Variants in HYDIN observed in about 807,000 individuals in gnomAD.
HYDIN encodes axonemal central pair apparatus protein HYDIN.
In HYDIN, 132 loss-of-function variants were observed where a neutral mutation model predicts 403.9. That is an observed-to-expected ratio of 0.33 (90% CI 0.28 to 0.38). The LOEUF is 0.38. HYDIN is among the 10% of genes least tolerant of loss of function. The pLI is 1.00. For missense variants in HYDIN, 2,827 were observed against 5,009.5 expected, an observed-to-expected ratio of 0.56 and a Z score of 13.15; for synonymous variants, 1,202 against 1,891.7, an observed-to-expected ratio of 0.64 and a Z score of 9.46.
chr16:71,065,437 A>C (rs1405667005), intron 15 of HYDIN, among the ~76,000 whole-genome samples: 1 of 151,918 alleles, frequency 6.6e-6, no homozygotes, highest in Non-Finnish European at 1.5e-5. Context: ...TGCAGAAAAG[A>C]GGGGAGTTGA....
At chr16:71,203,129 G>A (rs1268058079) in intron 1 of HYDIN, among the ~76,000 whole-genome samples, 2 of 152,188 alleles carry the variant, frequency 1.3e-5, no homozygotes, top group African/African-American at 4.8e-5. Context: ...TAAAAGCAGA[G>A]ATGTGAGCAG....
rs191922326 is a variant in HYDIN at position 71,201,693 on chromosome 16, G to C, written c.-23-14775C>G. ...CAGCCATTTTGCCCCTAGGAGGGGA[G>C]AGGCTGTCTGAGAACAAAGCCACAC... On this transcript the variant is annotated intron_variant, in intron 1 of 85. Transcript: ENST00000393567. Among the ~76,000 whole-genome samples, 537 of 152,348 alleles carry C rather than the reference G, an allele frequency of 3.5e-3. 2 individuals carry two copies. The highest frequency in any genetic ancestry group is 5.5e-3 in the Non-Finnish European group (372 of 68,028).
At chr16:71,203,793 A>T (rs1290830640) in intron 1 of HYDIN, 1 of 455,902 alleles carries the variant, frequency 2.2e-6, no homozygotes, top group Non-Finnish European at 4.4e-6. Context: ...AGTCCAGAAC[A>T]GATAACAGAA....
chr16:71,067,026 G>C (rs2082294663), intron 15 of HYDIN: 3 of 657,192 alleles, frequency 4.6e-6, no homozygotes, highest in South Asian at 1.7e-5. Context: ...AAACCCGTTA[G>C]AGAGGGTCTG....
rs1177687941 is a variant in HYDIN, at chr16:70,835,679, G to C, written c.13398C>G (p.Pro4466=). ...AGGAGCCCCTCTGAGCACCAACCTT[G>C]GGTTCCTGGAGTTCTGGAATTGTGA... is the stretch of plus-strand genomic sequence containing the variant. ...ILFTIPELQE[P]KVLTLAPFHN... Residue 4466 remains proline, a synonymous_variant, in exon 78 of 86, where the codon CCC becomes CCG. Coordinates refer to ENST00000393567, the MANE Select transcript of HYDIN (RefSeq NM_001270974.2). 3 of 670,038 alleles carry C rather than the reference G, an allele frequency of 4.5e-6. No individual in the cohort carries two copies. The East Asian group carries it at 8.1e-5, about 18-fold the overall frequency. 41.5% of individuals were successfully genotyped at this position (670,038 alleles called of 1,614,324 possible).
chr16:71,044,829 TAACC>T (rs113144596), intron 18 of HYDIN, among the ~76,000 whole-genome samples: 1 of 143,236 alleles, frequency 7.0e-6, no homozygotes, highest in African/African-American at 2.5e-5. Flanking sequence ...ATTTTAAGAC[TAACC>T]ATTGGATATT....
intron 32 of HYDIN, 83 bp downstream of exon 32, chr16:70,974,451 G>T: frequency 7.2e-7 from 1 of 1,390,318 alleles, no homozygotes; most frequent in Non-Finnish European, 9.7e-7. Context: ...AGGCACAAAA[G>T]CTGCTCCAGG....
intron 18 of HYDIN, among the ~76,000 whole-genome samples, chr16:71,048,631 G>A (rs2081529344): frequency 6.6e-6 from 1 of 151,462 alleles, no homozygotes; most frequent in Non-Finnish European, 1.5e-5. Flanking sequence ...TGTAGGAACA[G>A]AAAACCAAAT....
intron 23 of HYDIN, among the ~76,000 whole-genome samples, chr16:71,008,326 G>T (rs2079957702): frequency 6.6e-6 from 1 of 152,166 alleles, no homozygotes. Flanking sequence ...AATGGGGTCT[G>T]GGATCTGCTG....
chr16:70,829,576 C>A (rs2036826417), intron 81 of HYDIN, 42 bp downstream of exon 81: 2 of 1,533,748 alleles, frequency 1.3e-6, no homozygotes, highest in East Asian at 4.5e-5. Flanking sequence ...CCACCTTCAA[C>A]TATGCCAGGA....
intron 40 of HYDIN, among the ~76,000 whole-genome samples, chr16:70,954,376 T>C (rs2078162298): frequency 7.7e-6 from 1 of 130,548 alleles, no homozygotes; most frequent in Non-Finnish European, 1.6e-5. Context: ...GGAGGATCGC[T>C]TGAGCCCAGG....
At chr16:70,904,658 A>C (rs1341978310) in intron 50 of HYDIN, among the ~76,000 whole-genome samples, 2 of 142,340 alleles carry the variant, frequency 1.4e-5, no homozygotes, top group Non-Finnish European at 3.1e-5. Context: ...ATGCCACCAC[A>C]CCTGGCTAAT....
intron 10 of HYDIN, among the ~76,000 whole-genome samples, chr16:71,113,037 TG>T (rs1448956973): frequency 6.6e-6 from 1 of 151,020 alleles, no homozygotes; most frequent in African/African-American, 2.4e-5. Flanking sequence ...ATCTTGATTT[TG>T]GTGGTTATAT....
intron 41 of HYDIN, among the ~76,000 whole-genome samples, chr16:70,951,409 G>A (rs2078071000): frequency 2.0e-5 from 3 of 152,062 alleles, no homozygotes; most frequent in Non-Finnish European, 2.9e-5. Flanking sequence ...TATACTGGAA[G>A]CAGTGCTCTG....
chr16:70,836,768 G>C (rs1178985671), intron 77 of HYDIN, among the ~76,000 whole-genome samples: 3 of 152,238 alleles, frequency 2.0e-5, no homozygotes, highest in African/African-American at 4.8e-5. Context: ...TGTCCCACCA[G>C]TCATGAGCTC....
chr16:71,065,943 T>G (rs1418142391), intron 15 of HYDIN, among the ~76,000 whole-genome samples: 6 of 152,050 alleles, frequency 3.9e-5, no homozygotes, highest in African/African-American at 1.4e-4. Flanking sequence ...AACCGCAAAG[T>G]TTGTGATTTT....
Position 71,093,811 on chromosome 16 carries a change from G to T in HYDIN, c.1446+6C>A, listed in dbSNP as rs777845255. The T allele has an allele frequency of 1.3e-5, 21 of 1,612,538 alleles. No individual in the cohort carries two copies. The South Asian group carries it at 2.0e-4, about 15-fold the overall frequency. Reference sequence around the variant, plus strand: ...TGAAGTATCAACGAACAACTCTAGTGCTTACCTCATAACAATGTGCAGATC... The same window carrying T: ...TGAAGTATCAACGAACAACTCTAGTTCTTACCTCATAACAATGTGCAGATC... On this transcript the variant is annotated splice_donor_region_variant and intron_variant, in intron 11 of 85. Transcript: ENST00000393567.
At chr16:71,127,157 G>A (rs971176840) in intron 9 of HYDIN, among the ~76,000 whole-genome samples, 4 of 152,124 alleles carry the variant, frequency 2.6e-5, no homozygotes, top group Admixed American at 2.6e-4. Flanking sequence ...GGGAAAACTA[G>A]GAAAGTTTCA....
rs1165451434 is a variant in HYDIN, at chr16:71,112,531, C to A, written c.1327+3165G>T. On this transcript the variant is annotated intron_variant, in intron 10 of 85. Transcript: ENST00000393567. ...GAAATCAAAAGCTGTACAAAAGAGT[C>A]AGTTAAGAAGTAAACTAAAATGAGG... 2.6e-5 allele frequency among the ~76,000 whole-genome samples: 4 copies of A among 152,118 alleles called. No homozygotes were observed. The East Asian group carries it at 5.8e-4, about 22-fold the overall frequency.
Sources: gnomAD v4.1 joint callset for allele counts (sites outside exome capture counted in the v4.1 genomes callset) on GRCh38, gnomAD v4.1.1 for gene constraint, MANE v1.5 for transcripts, NCBI Gene and HGNC (gene_info 2026-07-23, HGNC 2026-07-21) for gene names.